The following FAAH2 variants were observed in gnomAD, a reference collection of about 807,000 sequenced individuals.
FAAH2 encodes the protein fatty acid amide hydrolase 2.
FAAH2 carries 60 observed loss-of-function variants against 36.9 expected under a neutral mutation model. The ratio of observed to expected loss-of-function variants is 1.63; its 90% CI spans 1.32 to 2.02. The LOEUF (loss-of-function observed/expected upper bound fraction) is 2.02. Among genes scored for constraint, FAAH2 ranks in the 30% most tolerant of loss-of-function variants. The pLI is 0.00. For missense variants in FAAH2, 689 were observed against 397.5 expected (o/e 1.73, Z -6.23); for synonymous variants, 214 against 143.8 (o/e 1.49, Z -3.49).
the FAAH2 span, among the ~76,000 whole-genome samples, chrX:57,199,831 T>C: frequency 8.9e-6 from 1 of 112,301 alleles, no homozygotes; most frequent in African/African-American, 3.2e-5. Flanking sequence ...CTCTTTACCA[T>C]TAAGTAGAAA....
chrX:57,353,833 T>C (rs1483227350), intron 5 of FAAH2, among the ~76,000 whole-genome samples: 3 of 111,050 alleles, frequency 2.7e-5, no homozygotes, highest in Non-Finnish European at 5.7e-5. Flanking sequence ...AAATGGCCAA[T>C]ATGTATATGA....
rs1464783025 is a variant in FAAH2 at position 57,489,026 on chromosome X, A to T, written c.*94A>T. 3 of 906,792 alleles carry T rather than the reference A, an allele frequency of 3.3e-6. No individual in the cohort carries two copies. The highest frequency in any genetic ancestry group is 4.4e-6 in the Non-Finnish European group (3 of 674,964). The allele number at this position is 906,792 out of a possible 1,213,427, so 74.7% of individuals were successfully genotyped here. ...TGAAATCAAGCACCAGCAGACAAGC[A>T]GAGAAACAACTGGGGAATTTATTGA... On this transcript the variant is annotated 3_prime_UTR_variant, in exon 11 of 11. Coordinates refer to ENST00000374900, the MANE Select transcript of FAAH2 (RefSeq NM_174912.4).
the FAAH2 span, among the ~76,000 whole-genome samples, chrX:57,131,341 T>C: frequency 5.5e-3 from 611 of 110,446 alleles, 5 homozygotes; most frequent in African/African-American, 0.019. Flanking sequence ...CGCCTCGGCC[T>C]CCCAAAGTGC....
chrX:57,301,769 C>T (rs1256626900), intron 2 of FAAH2, among the ~76,000 whole-genome samples: 1 of 111,400 alleles, frequency 9.0e-6, no homozygotes, highest in African/African-American at 3.3e-5. Flanking sequence ...TTGGTTGTCT[C>T]ACCCACCAGA....
intron 7 of FAAH2, among the ~76,000 whole-genome samples, chrX:57,404,317 T>A (rs2055513644): frequency 8.9e-6 from 1 of 112,555 alleles, no homozygotes; most frequent in South Asian, 3.6e-4. Flanking sequence ...TCTTTCTCTC[T>A]TTCTTTCTCC....
intron 7 of FAAH2, among the ~76,000 whole-genome samples, chrX:57,425,267 TA>T (rs776444862): frequency 5.4e-5 from 6 of 111,435 alleles, no homozygotes; most frequent in African/African-American, 1.6e-4. Flanking sequence ...CAAGAGAGAA[TA>T]AAAAACACAA....
intron 10 of FAAH2, among the ~76,000 whole-genome samples, chrX:57,481,837 C>G (rs1024293802): frequency 8.9e-6 from 1 of 112,106 alleles, no homozygotes; most frequent in South Asian, 3.7e-4. Context: ...TGATGAAATC[C>G]GCTGAAGCTG....
intron 6 of FAAH2, among the ~76,000 whole-genome samples, chrX:57,379,675 C>T (rs1171853247): frequency 2.7e-5 from 3 of 110,052 alleles, no homozygotes; most frequent in South Asian, 3.9e-4. Flanking sequence ...TACTCTATGC[C>T]GCTTTTTGCC....
Position 57,488,858 on chromosome X carries a change from G to C in FAAH2, c.1525G>C (p.Asp509His). Reference protein sequence around the residue: ...GIQVVAGPFNDHLTLAVAQYL... With the variant: ...GIQVVAGPFNHHLTLAVAQYL... ...CCAGGTTGTGGCTGGACCCTTTAAT[G>C]ATCATCTGACCCTGGCTGTGGCCCA... The change falls in exon 11 of 11, where the codon GAT becomes CAT. Residue 509 changes from aspartate (D) to histidine (H), a missense_variant. Transcript: ENST00000374900. 1 of 1,211,065 alleles carries C rather than the reference G, an allele frequency of 8.3e-7. No individual in the cohort carries two copies. The highest frequency in any genetic ancestry group is 1.1e-6 in the Non-Finnish European group (1 of 895,373).
At chrX:57,277,768 A>G in the FAAH2 span, among the ~76,000 whole-genome samples, 1 of 111,938 alleles carries the variant, frequency 8.9e-6, no homozygotes, top group African/African-American at 3.2e-5. Context: ...AAGCATTCCT[A>G]TACACCAAGA....
At chrX:57,369,163 T>A (rs2147170322) in intron 5 of FAAH2, among the ~76,000 whole-genome samples, 1 of 105,643 alleles carries the variant, frequency 9.5e-6, no homozygotes, top group Non-Finnish European at 1.9e-5. Context: ...TTTGAAACAG[T>A]CCAGTCAAAA....
At position 57,426,922 on chromosome X, in the gene FAAH2, G is replaced by C. The variant is rs73626272; in HGVS notation, c.997-4996G>C. ...AGAGCAAAACTAAATGAAATTTAGA[G>C]CAAATAAACAATATTAAAAAGCAAT... On this transcript the variant is annotated intron_variant, in intron 7 of 10. Coordinates refer to ENST00000374900, the MANE Select transcript of FAAH2 (RefSeq NM_174912.4). 7.8e-3 allele frequency among the ~76,000 whole-genome samples: 864 copies of C among 110,460 alleles called. 6 individuals carry two copies. Among genetic ancestry groups the C allele is most frequent in the African/African-American group, 0.027 (827 of 30,467 alleles).
At chrX:57,168,847 T>C in the FAAH2 span, among the ~76,000 whole-genome samples, 1 of 112,550 alleles carries the variant, frequency 8.9e-6, no homozygotes, top group Non-Finnish European at 1.9e-5. Context: ...GTGTAATCTT[T>C]CTACTTGATA....
chrX:57,438,922 G>C (rs1217944663), intron 8 of FAAH2, among the ~76,000 whole-genome samples: 1 of 110,033 alleles, frequency 9.1e-6, no homozygotes, highest in Non-Finnish European at 1.9e-5. Context: ...CCCTACAAAG[G>C]ACATGAACTC....
chrX:57,353,182 A>G (rs1452738672), intron 5 of FAAH2, among the ~76,000 whole-genome samples: 1 of 110,060 alleles, frequency 9.1e-6, no homozygotes, highest in Non-Finnish European at 1.9e-5. Context: ...ATAGTGCATT[A>G]CCTCACTTCG....
chrX:57,446,531 C>T (rs1048817352), intron 8 of FAAH2, among the ~76,000 whole-genome samples: 4 of 111,879 alleles, frequency 3.6e-5, no homozygotes, highest in South Asian at 3.7e-4. Context: ...AGAATATTTT[C>T]GTCATTCCTA....
chrX:57,169,086 C>T, the FAAH2 span, among the ~76,000 whole-genome samples: 8 of 111,182 alleles, frequency 7.2e-5, no homozygotes, highest in Non-Finnish European at 1.9e-5. Flanking sequence ...CTTCACATGG[C>T]TTTGCTTCTG....
intron 3 of FAAH2, among the ~76,000 whole-genome samples, chrX:57,328,260 C>T (rs866880956): frequency 1.8e-5 from 2 of 111,547 alleles, no homozygotes; most frequent in Non-Finnish European, 3.8e-5. Flanking sequence ...CTTGGGGGTG[C>T]CTCCCAGTTA....
At chrX:57,239,027 C>T in the FAAH2 span, among the ~76,000 whole-genome samples, 1 of 111,797 alleles carries the variant, frequency 8.9e-6, no homozygotes, top group Non-Finnish European at 1.9e-5. Context: ...TTTCTTTATG[C>T]CTGCATAGTA....
Sources: gnomAD v4.1 joint callset for allele counts (sites outside exome capture counted in the v4.1 genomes callset) on GRCh38, gnomAD v4.1.1 for gene constraint, MANE v1.5 for transcripts, NCBI Gene and HGNC (gene_info 2026-07-23, HGNC 2026-07-21) for gene names.